Variants in GPD2 observed in about 807,000 individuals in gnomAD.
GPD2 encodes the protein glycerol-3-phosphate dehydrogenase, mitochondrial.
GPD2 carries 54 observed loss-of-function variants against 82.4 expected under a neutral mutation model. The observed-to-expected ratio is 0.66, with a 90% CI of 0.53 to 0.82. The LOEUF is 0.82. GPD2 is among the 40% of genes least tolerant of loss of function. The probability of loss-of-function intolerance (pLI) is 0.00; values close to 1 mark genes in which losing one functional copy is unlikely to be tolerated. For synonymous variants in GPD2, 288 were observed against 306.1 expected, an observed-to-expected ratio of 0.94 and a Z score of 0.62; for missense variants, 748 against 896.2, an observed-to-expected ratio of 0.83 and a Z score of 2.11.
intron 8 of GPD2, among the ~76,000 whole-genome samples, chr2:156,554,562 T>C (rs1558958587): frequency 6.6e-6 from 1 of 152,300 alleles, no homozygotes; most frequent in East Asian, 1.9e-4. Flanking sequence ...TAGCAGCTTT[T>C]TAGGGGAAGA....
intron 3 of GPD2, among the ~76,000 whole-genome samples, chr2:156,504,071 A>C (rs936864583): frequency 5.3e-5 from 8 of 151,952 alleles, no homozygotes; most frequent in African/African-American, 1.9e-4. Flanking sequence ...ACAACATCAT[A>C]TCTCTATTAA....
intron 1 of GPD2, among the ~76,000 whole-genome samples, chr2:156,460,140 A>C (rs569020936): frequency 6.6e-6 from 1 of 152,194 alleles, no homozygotes; most frequent in Non-Finnish European, 1.5e-5. Flanking sequence ...CATTATCTCA[A>C]AATTATTTCA....
intron 3 of GPD2, among the ~76,000 whole-genome samples, chr2:156,509,869 G>A (rs772036648): frequency 1.5e-4 from 22 of 148,214 alleles, no homozygotes; most frequent in Non-Finnish European, 2.1e-4. Context: ...TGCCTCCTGG[G>A]TTCAAGCGAT....
Position 156,569,400 on chromosome 2 carries a change from T to G in GPD2, c.1338T>G (p.Asp446Glu). ...KWTTYRSMAE[D>E]TINAAVKTHN... The stretch of plus-strand genomic sequence containing the variant: ...CAACTTATCGGTCTATGGCAGAAGA[T>G]ACCATAAATGCTGCTGTCAAAACTC... The change falls in exon 11 of 17, where the codon GAT becomes GAG. Residue 446 changes from aspartate (D) to glutamate (E), a missense_variant. Around this residue, in one of 3 missense-constraint regions of GPD2, gnomAD observed 692 missense variants for 809.7 expected, o/e 0.85. Transcript: ENST00000438166. 1 of 1,611,854 alleles carries G rather than the reference T, an allele frequency of 6.2e-7. No homozygotes were observed. The highest frequency in any genetic ancestry group is 8.5e-7 in the Non-Finnish European group (1 of 1,178,084).
intron 13 of GPD2, among the ~76,000 whole-genome samples, chr2:156,571,865 G>A (rs1687653078): frequency 6.6e-6 from 1 of 151,966 alleles, no homozygotes; most frequent in Non-Finnish European, 1.5e-5. Context: ...ATATGCAGAG[G>A]GTAATGAAGC....
intron 1 of GPD2, among the ~76,000 whole-genome samples, chr2:156,452,490 G>T (rs1246684060): frequency 6.6e-6 from 1 of 152,242 alleles, no homozygotes; most frequent in Non-Finnish European, 1.5e-5. Context: ...CGAGATGGCA[G>T]CAGTACAGTC....
At chr2:156,451,486 C>T (rs1175402289) in intron 1 of GPD2, among the ~76,000 whole-genome samples, 1 of 39,094 alleles carries the variant, frequency 2.6e-5, no homozygotes, top group East Asian at 1.7e-3. Context: ...CCCCACCTCC[C>T]TCCCGGAAGG....
the GPD2 span, among the ~76,000 whole-genome samples, chr2:156,424,714 A>G: frequency 1.3e-5 from 2 of 152,200 alleles, no homozygotes; most frequent in South Asian, 2.1e-4. Context: ...ATAATTTCTT[A>G]AAGTCAAAAA....
intron 6 of GPD2, among the ~76,000 whole-genome samples, chr2:156,518,743 T>C (rs945202328): frequency 6.6e-6 from 1 of 152,220 alleles, no homozygotes. Flanking sequence ...GTGCCTTTAA[T>C]CCTCATTTAC....
At chr2:156,528,204 A>G (rs1418677551) in intron 6 of GPD2, among the ~76,000 whole-genome samples, 1 of 152,010 alleles carries the variant, frequency 6.6e-6, no homozygotes, top group East Asian at 1.9e-4. Context: ...ATTGTAAGAA[A>G]CATGTCTATT....
upstream of GPD2, among the ~76,000 whole-genome samples, chr2:156,431,021 T>C (rs1688310411): frequency 6.6e-6 from 1 of 152,216 alleles, no homozygotes. Context: ...GATAAATGAA[T>C]GGTGGACCAA....
Position 156,529,321 on chromosome 2 carries a change from G to A in GPD2, c.661+15825G>A, listed in dbSNP as rs1379108189. Among the ~76,000 whole-genome samples, 3 of 145,506 alleles carry A rather than the reference G, an allele frequency of 2.1e-5. No individual in the cohort carries two copies. In the South Asian group the frequency reaches 6.9e-4, roughly 34 times the overall value. On this transcript the variant is annotated intron_variant, in intron 6 of 16. Transcript: ENST00000438166. ...TCTTGTAAATTTGTTTGAGTTCATT[G>A]TAGATTCTGGATATTAGCCCTTTGT...
In GPD2 at chr2:156,550,598, A is replaced by C. The variant is rs757371169; in HGVS notation, c.827-4A>C. 1.2e-6 allele frequency: 2 copies of C among 1,613,974 alleles called. No homozygotes were observed. The highest frequency in any genetic ancestry group is 3.3e-5 in the Admixed American group (2 of 60,024). ...TGTGTGATTGATGCCACTTTCTTTC[A>C]CAGGGCAGGAATTTGACGTGAGAGC... On this transcript the variant is annotated splice_polypyrimidine_tract_variant and splice_region_variant and intron_variant, in intron 7 of 16. Transcript: ENST00000438166.
chr2:156,558,765 CTTTTTTTTTTTTTT>C lies in GPD2; in HGVS notation c.1165+1201_1165+1214del, dbSNP rs34524248. ...GGTGCCCACCACCACGCCCAGCTAA[CTTTTTTTTTTTTTT>C]TTTTTTTTTTTTTTTTTAAGTAGAG... On this transcript the variant is annotated intron_variant, in intron 9 of 16. Transcript: ENST00000438166. 3.9e-4 allele frequency among the ~76,000 whole-genome samples: 16 copies of C among 40,882 alleles called. No individual in the cohort carries two copies. In the East Asian group the frequency reaches 5.7e-3, roughly 15 times the overall value. 26.8% of individuals were successfully genotyped at this position (40,882 alleles called of 152,430 possible).
rs114492959 is a variant in GPD2, at chr2:156,488,405, G to T, written c.103-7639G>T. ...TTCCCTTAAATCTTACGATTCCATC[G>T]ATCGACTCATATATTATGGGAGAGA... On this transcript the variant is annotated intron_variant, in intron 2 of 16. Transcript: ENST00000438166. Among the ~76,000 whole-genome samples the T allele has an allele frequency of 4.0e-3, 605 of 152,146 alleles. 3 individuals carry two copies. The highest frequency in any genetic ancestry group is 0.014 in the African/African-American group (584 of 41,496).
intron 9 of GPD2, among the ~76,000 whole-genome samples, chr2:156,559,488 A>C (rs1021441282): frequency 6.6e-6 from 1 of 152,208 alleles, no homozygotes; most frequent in African/African-American, 2.4e-5. Flanking sequence ...GTTAGTCTGA[A>C]TGCAACTCAC....
intron 6 of GPD2, among the ~76,000 whole-genome samples, chr2:156,523,563 C>T (rs951804773): frequency 1.3e-5 from 2 of 152,138 alleles, no homozygotes; most frequent in Non-Finnish European, 2.9e-5. Context: ...CCCCCACTCC[C>T]CACTATAACA....
intron 8 of GPD2, 90 bp downstream of exon 8, chr2:156,550,836 A>G (rs1686732691): frequency 1.9e-6 from 2 of 1,041,846 alleles, no homozygotes; most frequent in Non-Finnish European, 3.0e-6. Flanking sequence ...ATAGCAATAG[A>G]TGGTCTAACT....
At chr2:156,541,475 T>C (rs944846454) in intron 6 of GPD2, among the ~76,000 whole-genome samples, 6 of 152,218 alleles carry the variant, frequency 3.9e-5, no homozygotes, top group African/African-American at 1.4e-4. Flanking sequence ...GTACTTAGCT[T>C]AGTGCCTGGT....
Sources: allele counts gnomAD v4.1 joint callset (sites outside exome capture counted in the v4.1 genomes callset), GRCh38; gene constraint gnomAD v4.1.1; regional missense constraint gnomAD v4.1.1; transcripts MANE v1.5; gene names NCBI Gene and HGNC (gene_info 2026-07-23, HGNC 2026-07-21).